Variants in TECPR2 observed in about 807,000 individuals in gnomAD.
The protein encoded by TECPR2 is tectonin beta-propeller repeat-containing protein 2.
Under a neutral mutation model 138.1 loss-of-function variants are expected in TECPR2, and 65 were observed. The observed-to-expected ratio is 0.47, with a 90% CI of 0.39 to 0.58. The LOEUF (loss-of-function observed/expected upper bound fraction) is 0.58. Ranked by LOEUF, TECPR2 falls within the 20% of genes least tolerant of loss-of-function variation. TECPR2 has a pLI of 0.00. For synonymous variants in TECPR2, 746 were observed against 749.8 expected, an observed-to-expected ratio of 0.99 and a Z score of 0.08; for missense variants, 1,553 against 1,824.5, an observed-to-expected ratio of 0.85 and a Z score of 2.71.
chr14:102,428,596 A>G (rs988821837), intron 7 of TECPR2, among the ~76,000 whole-genome samples: 3 of 151,792 alleles, frequency 2.0e-5, no homozygotes, highest in Non-Finnish European at 1.5e-5. Flanking sequence ...CCCTGTCTCT[A>G]CCAAAAATAC....
chr14:102,362,989 TCGGTGCTGGCCC>T lies in TECPR2; in HGVS notation c.-193_-182del. 8.4e-7 allele frequency: 1 copy of T among 1,194,730 alleles called. No individual in the cohort carries two copies. The highest frequency in any genetic ancestry group is 1.2e-6 in the Non-Finnish European group (1 of 834,358). The allele number at this position is 1,194,730 out of a possible 1,614,324, so 74.0% of individuals were successfully genotyped here. ...CCCCGGCGGAGCCAGCTGCTGCTCT[TCGGTGCTGGCCC>T]CGGTGCCGGCCCCGTTGCCCAGGGA... On this transcript the variant is annotated 5_prime_UTR_variant, in exon 1 of 20. Transcript: ENST00000359520.
intron 4 of TECPR2, 74 bp from the exon 5 acceptor site, chr14:102,414,562 A>T (rs1314145839): frequency 1.3e-6 from 2 of 1,565,990 alleles, no homozygotes. Context: ...CGGGAAGGAC[A>T]CTGACTTGTC....
chr14:102,447,194 G>T (rs1890006714), intron 13 of TECPR2, among the ~76,000 whole-genome samples: 1 of 152,044 alleles, frequency 6.6e-6, no homozygotes, highest in African/African-American at 2.4e-5. Context: ...TCACTCTTTT[G>T]CCCACACTGG....
chr14:102,431,179 A>G (rs1889461682), intron 7 of TECPR2, among the ~76,000 whole-genome samples: 1 of 150,542 alleles, frequency 6.6e-6, no homozygotes, highest in African/African-American at 2.4e-5. Context: ...GTGCACCACC[A>G]CACCCTGCTA....
chr14:102,414,718 C>G lies in TECPR2; in HGVS notation c.563C>G (p.Ser188Cys). Residue 188 changes from serine (S) to cysteine (C), a missense_variant, in exon 5 of 20, where the codon TCT becomes TGT. Physicochemically the swap from Ser to Cys is moderately radical, Grantham distance 112. Transcript: ENST00000359520. Reference protein sequence around the residue: ...LDYSQKVLLVSTLQRSLLFYT... With the variant: ...LDYSQKVLLVCTLQRSLLFYT... ...TATAGCCAGAAAGTGCTGCTGGTCT[C>G]TACTCTGCAAAGAAGTCTGCTCTTT... 1 of 1,614,248 alleles carries G rather than the reference C, an allele frequency of 6.2e-7. No homozygotes were observed.
intron 2 of TECPR2, among the ~76,000 whole-genome samples, chr14:102,396,071 G>A (rs1054124049): frequency 2.0e-5 from 3 of 151,562 alleles, no homozygotes; most frequent in Admixed American, 2.0e-4. Context: ...GGTGTTGGGG[G>A]AAATACCTTT....
At chr14:102,371,559 G>T (rs193217353) in intron 1 of TECPR2, among the ~76,000 whole-genome samples, 6 of 152,160 alleles carry the variant, frequency 3.9e-5, no homozygotes, top group African/African-American at 1.2e-4. Flanking sequence ...AGGCATGGCT[G>T]TCCTGACTCA....
intron 2 of TECPR2, among the ~76,000 whole-genome samples, chr14:102,387,687 T>C (rs1381867176): frequency 6.6e-6 from 1 of 152,048 alleles, no homozygotes; most frequent in Non-Finnish European, 1.5e-5. Flanking sequence ...CCACCACGCC[T>C]GGCTAATTTT....
chr14:102,367,790 A>G (rs1218669276), intron 1 of TECPR2, among the ~76,000 whole-genome samples: 1 of 152,174 alleles, frequency 6.6e-6, no homozygotes, highest in Non-Finnish European at 1.5e-5. Context: ...TCTGGGTCAC[A>G]TGGTAACTCT....
chr14:102,424,137 C>T (rs1441133273), intron 5 of TECPR2, among the ~76,000 whole-genome samples: 1 of 152,174 alleles, frequency 6.6e-6, no homozygotes, highest in East Asian at 1.9e-4. Flanking sequence ...CTACTTCCAC[C>T]TGGGCTAAAT....
intron 8 of TECPR2, among the ~76,000 whole-genome samples, chr14:102,433,514 A>T (rs1229292164): frequency 2.5e-4 from 37 of 148,950 alleles, no homozygotes; most frequent in African/African-American, 9.1e-4. Flanking sequence ...TTATTTATTT[A>T]TTTATTTATT....
intron 4 of TECPR2, among the ~76,000 whole-genome samples, chr14:102,411,794 GAAAA>G (rs1888879156): frequency 7.1e-6 from 1 of 139,992 alleles, no homozygotes; most frequent in Non-Finnish European, 1.5e-5. Context: ...AGTGTATAAA[GAAAA>G]ACTGGCTTTA....
chr14:102,441,901 G>A (rs1415346874), intron 11 of TECPR2, among the ~76,000 whole-genome samples: 1 of 152,198 alleles, frequency 6.6e-6, no homozygotes, highest in Admixed American at 6.5e-5. Context: ...AGGAGTTATC[G>A]TCAGTTGTCC....
chr14:102,463,333 C>G (rs561888120), intron 16 of TECPR2, among the ~76,000 whole-genome samples: 1 of 143,636 alleles, frequency 7.0e-6, no homozygotes, highest in Non-Finnish European at 1.5e-5. Context: ...AGGAGAATGG[C>G]GTGAACCCGG....
At chr14:102,408,361 G>C in intron 3 of TECPR2, 127 bp from the exon 4 acceptor site, 1 of 1,071,686 alleles carries the variant, frequency 9.3e-7, no homozygotes, top group South Asian at 1.8e-5. Flanking sequence ...GGTTCTGCTT[G>C]GAAAACGAGA....
intron 17 of TECPR2, among the ~76,000 whole-genome samples, chr14:102,495,907 G>A (rs1891267435): frequency 6.6e-6 from 1 of 152,264 alleles, no homozygotes; most frequent in African/African-American, 2.4e-5. Context: ...AGGTGCAGGT[G>A]GAGGGAGGTC....
rs1890084652 is a variant in TECPR2 at position 102,449,629 on chromosome 14, G to A, written c.3076G>A (p.Val1026Met). ...PQGDDDHWWQ[V>M]SITDYVVFDQ... ...GCTTTTGCTTGTCTCCTCCTTCCAG[G>A]TGAGCATCACGGACTATGTGGTGTT... The change falls in exon 14 of 20, where the codon GTG (valine) becomes ATG (methionine). Residue 1026 changes from valine to methionine, a missense_variant and splice_region_variant. Val to Met is a conservative substitution (Grantham distance 21). Coordinates refer to ENST00000359520, the MANE Select transcript of TECPR2 (RefSeq NM_014844.5). The A allele has an allele frequency of 6.2e-7, 1 of 1,613,816 alleles. No homozygotes were observed.
chr14:102,434,449 C>T lies in TECPR2; in HGVS notation c.1632C>T (p.Pro544=), dbSNP rs1057107201. The part of the protein sequence containing the change: ...VNGVPQENTD[P]ETFNVLEVSG... Reference sequence around the variant, plus strand: ...GTGTCCCACAGGAAAATACTGACCCCGAAACGTTTAATGTCCTGGAGGTGT... The same window carrying T: ...GTGTCCCACAGGAAAATACTGACCCTGAAACGTTTAATGTCCTGGAGGTGT... The change falls in exon 9 of 20, where the codon CCC becomes CCT. Residue 544 remains proline, a synonymous_variant. Coordinates refer to ENST00000359520, the MANE Select transcript of TECPR2 (RefSeq NM_014844.5). 13 of 1,538,886 alleles carry T rather than the reference C, an allele frequency of 8.4e-6. No homozygotes were observed. Among genetic ancestry groups the T allele is most frequent in the South Asian group, 5.1e-5 (4 of 78,484 alleles).
intron 17 of TECPR2, among the ~76,000 whole-genome samples, chr14:102,474,467 A>C (rs905787574): frequency 2.6e-5 from 4 of 151,612 alleles, no homozygotes; most frequent in South Asian, 4.2e-4. Context: ...TCTACTAAAA[A>C]TACAAAATTA....
Sources: gnomAD v4.1 joint callset for allele counts (sites outside exome capture counted in the v4.1 genomes callset) on GRCh38, gnomAD v4.1.1 for gene constraint, MANE v1.5 for transcripts, NCBI Gene and HGNC (gene_info 2026-07-23, HGNC 2026-07-21) for gene names.